YES1: variants seen among roughly 807,000 people sequenced by gnomAD.
The protein encoded by YES1 is YES proto-oncogene 1, Src family tyrosine kinase.
YES1 carries 39 observed loss-of-function variants against 70.4 expected under a neutral mutation model. That is an observed-to-expected ratio of 0.55 (90% CI 0.43 to 0.72). YES1 has a LOEUF of 0.72. Among genes scored for constraint, YES1 ranks in the 30% least tolerant of loss-of-function variants. YES1 has a pLI of 0.00. For missense variants in YES1, 495 were observed against 644.8 expected, an observed-to-expected ratio of 0.77 and a Z score of 2.52; for synonymous variants, 198 against 218.6, an observed-to-expected ratio of 0.91 and a Z score of 0.83.
At chr18:793,050 T>A (rs1906352908) in intron 1 of YES1, among the ~76,000 whole-genome samples, 1 of 147,642 alleles carries the variant, frequency 6.8e-6, no homozygotes, top group Admixed American at 6.7e-5. Flanking sequence ...TTGGTTTTTT[T>A]TTTTTTTTGA....
At chr18:759,305 A>G (rs1904451594) in intron 1 of YES1, among the ~76,000 whole-genome samples, 1 of 152,206 alleles carries the variant, frequency 6.6e-6, no homozygotes, top group African/African-American at 2.4e-5. Context: ...CGTCTCTATT[A>G]AAAATACAAA....
At chr18:752,811 C>T (rs532803300) in intron 2 of YES1, among the ~76,000 whole-genome samples, 2 of 151,924 alleles carry the variant, frequency 1.3e-5, no homozygotes, top group East Asian at 1.9e-4. Context: ...GGCATGGTGG[C>T]GCATGCCTGT....
intron 1 of YES1, among the ~76,000 whole-genome samples, chr18:789,128 T>C (rs1423280903): frequency 6.6e-6 from 1 of 152,208 alleles, no homozygotes. Flanking sequence ...ACACTGTTGT[T>C]TGGCATTCAT....
intron 1 of YES1, among the ~76,000 whole-genome samples, chr18:795,544 C>T (rs1483259404): frequency 1.3e-5 from 2 of 152,054 alleles, no homozygotes; most frequent in Admixed American, 1.3e-4. Context: ...GAAAATGTGG[C>T]ACCTATACAC....
At chr18:778,752 T>G (rs1046908494) in intron 1 of YES1, among the ~76,000 whole-genome samples, 1 of 152,178 alleles carries the variant, frequency 6.6e-6, no homozygotes, top group African/African-American at 2.4e-5. Context: ...CTTTCATTTA[T>G]AAATCCCCTC....
At chr18:809,022 T>C (rs750159470) in intron 1 of YES1, among the ~76,000 whole-genome samples, 1 of 152,188 alleles carries the variant, frequency 6.6e-6, no homozygotes, top group Non-Finnish European at 1.5e-5. Flanking sequence ...AAACTTAGGA[T>C]CTTGATGCCG....
In YES1 at chr18:801,682, T is replaced by C. The variant is rs144182385; in HGVS notation, c.-9+10432A>G. ...GCAGAAGACAGATTTGAGTACAAAC[T>C]ACATATATATGTATAGAGAGTGTGT... On this transcript the variant is annotated intron_variant, in intron 1 of 11. Coordinates refer to ENST00000314574, the MANE Select transcript of YES1 (RefSeq NM_005433.4). 9.2e-5 allele frequency among the ~76,000 whole-genome samples: 14 copies of C among 152,308 alleles called. No individual in the cohort carries two copies. In the East Asian group the frequency reaches 2.7e-3, roughly 29 times the overall value.
chr18:767,695 G>GT (rs1293173148), intron 1 of YES1, among the ~76,000 whole-genome samples: 1 of 151,878 alleles, frequency 6.6e-6, no homozygotes, highest in East Asian at 1.9e-4. Flanking sequence ...AAAGCCTCCA[G>GT]TTTTTTCATT....
intron 2 of YES1, among the ~76,000 whole-genome samples, chr18:753,902 C>T (rs937890901): frequency 2.0e-5 from 3 of 152,136 alleles, no homozygotes; most frequent in Non-Finnish European, 4.4e-5. Context: ...AAGTAAATGG[C>T]CCTACCATCT....
chr18:773,695 A>AC (rs1451482326), intron 1 of YES1, among the ~76,000 whole-genome samples: 1 of 152,040 alleles, frequency 6.6e-6, no homozygotes, highest in African/African-American at 2.4e-5. Context: ...CACATAACCC[A>AC]CTTCTTTTAG....
At chr18:746,841 A>G (rs979785951) in intron 4 of YES1, among the ~76,000 whole-genome samples, 2 of 152,206 alleles carry the variant, frequency 1.3e-5, no homozygotes, top group African/African-American at 4.8e-5. Context: ...TAAACCCTAC[A>G]ACTAGGTTCC....
At chr18:789,336 C>T (rs930525995) in intron 1 of YES1, among the ~76,000 whole-genome samples, 1 of 152,016 alleles carries the variant, frequency 6.6e-6, no homozygotes, top group African/African-American at 2.4e-5. Flanking sequence ...AATCCCAACA[C>T]TTTGGGAGGC....
Position 724,284 on chromosome 18 carries a change from G to A in YES1, c.*140C>T, listed in dbSNP as rs2079992023. The A allele has an allele frequency of 3.6e-6, 3 of 834,628 alleles. No individual in the cohort carries two copies. The highest frequency in any genetic ancestry group is 2.9e-5 in the Admixed American group (1 of 34,518). 51.7% of individuals were successfully genotyped at this position (834,628 alleles called of 1,614,324 possible). On this transcript the variant is annotated 3_prime_UTR_variant, in exon 12 of 12. Coordinates refer to ENST00000314574, the MANE Select transcript of YES1 (RefSeq NM_005433.4). Reference sequence around the variant, plus strand: ...TACTTGGGGAAAAAAAAGTGGTTTTGTGCAACCATATCTGGGATTCCAGTT... The same window carrying A: ...TACTTGGGGAAAAAAAAGTGGTTTTATGCAACCATATCTGGGATTCCAGTT...
intron 3 of YES1, among the ~76,000 whole-genome samples, chr18:749,858 C>CAA (rs5822576): frequency 1.1e-4 from 13 of 116,544 alleles, no homozygotes; most frequent in African/African-American, 3.4e-4. Flanking sequence ...GACTCCGTCT[C>CAA]AAAAAAAAAA....
At chr18:788,268 T>C (rs1318507802) in intron 1 of YES1, among the ~76,000 whole-genome samples, 2 of 152,224 alleles carry the variant, frequency 1.3e-5, no homozygotes, top group Non-Finnish European at 2.9e-5. Context: ...CTTTCTATTT[T>C]CATATTACAT....
In YES1 at chr18:786,496, TACACACAC is replaced by T. The variant is rs56410052; in HGVS notation, c.-9+25610_-9+25617del. ...ATAAACATCATCATTAATAAGTCCA[TACACACAC>T]ACACACACACACACACACACACACA... On this transcript the variant is annotated intron_variant, in intron 1 of 11. Transcript: ENST00000314574. Among the ~76,000 whole-genome samples the T allele has an allele frequency of 4.5e-3, 629 of 139,526 alleles. 9 individuals are homozygous for T. The highest frequency in any genetic ancestry group is 0.014 in the African/African-American group (526 of 37,668). The allele number at this position is 139,526 out of a possible 152,430, so 91.5% of individuals were successfully genotyped here.
chr18:722,466 T>A lies in YES1; in HGVS notation c.*1958A>T, dbSNP rs1343127877. On this transcript the variant is annotated 3_prime_UTR_variant, in exon 12 of 12. Coordinates refer to ENST00000314574, the MANE Select transcript of YES1 (RefSeq NM_005433.4). The stretch of plus-strand genomic sequence containing the variant: ...GGTAAATAATGATAGTTAAGAATTA[T>A]ATCCTGAAAATAGAGGGGCCTAATA... 2 of 152,616 alleles carry A rather than the reference T, an allele frequency of 1.3e-5. No homozygotes were observed. Among genetic ancestry groups the A allele is most frequent in the African/African-American group, 4.8e-5 (2 of 41,418 alleles). 9.5% of individuals were successfully genotyped at this position (152,616 alleles called of 1,614,324 possible).
intron 8 of YES1, among the ~76,000 whole-genome samples, chr18:740,921 G>A (rs753725334): frequency 5.3e-5 from 8 of 151,808 alleles, no homozygotes; most frequent in East Asian, 1.9e-4. Context: ...TATTTGAAAC[G>A]GAGTCTCACT....
At chr18:769,112 AG>A (rs1905041608) in intron 1 of YES1, among the ~76,000 whole-genome samples, 1 of 151,998 alleles carries the variant, frequency 6.6e-6, no homozygotes, top group African/African-American at 2.4e-5. Context: ...CATATAGCCT[AG>A]GTATATAGGT....
Sources: allele counts gnomAD v4.1 joint callset (sites outside exome capture counted in the v4.1 genomes callset), GRCh38; gene constraint gnomAD v4.1.1; transcripts MANE v1.5; gene names NCBI Gene and HGNC (gene_info 2026-07-23, HGNC 2026-07-21).